SUMF1: variants seen among roughly 807,000 people sequenced by gnomAD.
The protein encoded by SUMF1 is formylglycine-generating enzyme.
A neutral mutation model predicts 47.6 loss-of-function variants in SUMF1; 48 were observed. The ratio of observed to expected loss-of-function variants is 1.01; its 90% CI spans 0.80 to 1.28. The LOEUF (loss-of-function observed/expected upper bound fraction) is 1.28, where lower values mean the gene tolerates loss of function less well. Ranked by LOEUF, SUMF1 falls within the 50% of genes most tolerant of loss-of-function variation. SUMF1 has a pLI of 0.00. For synonymous variants in SUMF1, 230 were observed against 192.1 expected (o/e 1.20, Z -1.63); for missense variants, 571 against 485.4 (o/e 1.18, Z -1.66).
At chr3:4,049,584 T>C (rs1350744614) in intron 9 of SUMF1, among the ~76,000 whole-genome samples, 2 of 152,052 alleles carry the variant, frequency 1.3e-5, no homozygotes, top group Non-Finnish European at 2.9e-5. Flanking sequence ...TGCAGACAGG[T>C]AGGTTCAGGA....
At chr3:4,242,028 G>T (rs1348239749) in intron 8 of SUMF1, among the ~76,000 whole-genome samples, 1 of 152,052 alleles carries the variant, frequency 6.6e-6, no homozygotes, top group Non-Finnish European at 1.5e-5. Context: ...AAGGAAAAGG[G>T]AAGATAGCTG....
At chr3:4,278,752 T>C (rs1275220876) in intron 8 of SUMF1, among the ~76,000 whole-genome samples, 1 of 152,152 alleles carries the variant, frequency 6.6e-6, no homozygotes, top group East Asian at 1.9e-4. Context: ...TACATGGTAT[T>C]CTTTCAAAAT....
At position 4,389,464 on chromosome 3, in the gene SUMF1, G is replaced by C. The variant is rs57644522; in HGVS notation, c.955-13075C>G. 6.2e-4 allele frequency among the ~76,000 whole-genome samples: 95 copies of C among 152,042 alleles called. No individual in the cohort carries two copies. The East Asian group carries it at 0.018, about 29-fold the overall frequency. ...TTTCTTCAGAATTACCCTCATTGGGGTTTGCTTAGCTCCTTGAATCTGTGG... is the reference window on the plus strand; with the variant it reads ...TTTCTTCAGAATTACCCTCATTGGGCTTTGCTTAGCTCCTTGAATCTGTGG... On this transcript the variant is annotated intron_variant, in intron 7 of 8. Transcript: ENST00000272902.
chr3:4,193,740 T>C (rs901316383), intron 8 of SUMF1, among the ~76,000 whole-genome samples: 2 of 152,112 alleles, frequency 1.3e-5, no homozygotes, highest in African/African-American at 4.8e-5. Context: ...TGAGTTAAAC[T>C]TATAGGACTC....
intron 8 of SUMF1, among the ~76,000 whole-genome samples, chr3:4,240,738 T>C (rs1037089694): frequency 6.6e-6 from 1 of 151,952 alleles, no homozygotes; most frequent in Non-Finnish European, 1.5e-5. Flanking sequence ...TTTTTAAATA[T>C]TTTTTACTTT....
chr3:4,312,991 C>G, intron 8 of SUMF1: 2 of 1,614,042 alleles, frequency 1.2e-6, no homozygotes, highest in Non-Finnish European at 8.5e-7. Flanking sequence ...TCCCTGCCTC[C>G]CTGGCACTTG....
At chr3:4,241,428 T>C (rs1285848253) in intron 8 of SUMF1, among the ~76,000 whole-genome samples, 1 of 152,056 alleles carries the variant, frequency 6.6e-6, no homozygotes, top group African/African-American at 2.4e-5. Flanking sequence ...CAAGTTTAAG[T>C]CCCAGCTCAA....
chr3:4,106,975 T>A (rs1465295651), intron 8 of SUMF1, among the ~76,000 whole-genome samples: 2 of 152,090 alleles, frequency 1.3e-5, no homozygotes, highest in Non-Finnish European at 2.9e-5. Flanking sequence ...AAAATTCAGA[T>A]ATTTCTCCAA....
At chr3:4,357,797 G>A (rs559889258), downstream of SUMF1, among the ~76,000 whole-genome samples, 10 of 151,774 alleles carry the variant, frequency 6.6e-5, no homozygotes, top group South Asian at 1.0e-3. Flanking sequence ...TAGTAGAGAC[G>A]GGGTTTCACC....
At chr3:4,171,453 A>G (rs1401678271) in intron 8 of SUMF1, among the ~76,000 whole-genome samples, 1 of 152,204 alleles carries the variant, frequency 6.6e-6, no homozygotes, top group Non-Finnish European at 1.5e-5. Flanking sequence ...AAGAAACCCA[A>G]GGGTCATCTG....
intron 8 of SUMF1, among the ~76,000 whole-genome samples, chr3:4,152,919 C>A (rs902726801): frequency 1.3e-5 from 2 of 151,490 alleles, no homozygotes; most frequent in Non-Finnish European, 2.9e-5. Context: ...AGTCTCTCTC[C>A]CTGGCAGAGA....
intron 1 of SUMF1, among the ~76,000 whole-genome samples, chr3:4,457,663 G>A (rs773772516): frequency 2.0e-5 from 3 of 152,026 alleles, no homozygotes; most frequent in Non-Finnish European, 2.9e-5. Flanking sequence ...TTCAATAAAC[G>A]GTATTAGGAA....
intron 8 of SUMF1, among the ~76,000 whole-genome samples, chr3:4,158,519 A>T (rs1277908429): frequency 6.6e-6 from 1 of 151,444 alleles, no homozygotes; most frequent in African/African-American, 2.5e-5. Flanking sequence ...TTCTGTCTGG[A>T]TCTGTCCAGT....
intron 8 of SUMF1, among the ~76,000 whole-genome samples, chr3:4,309,145 G>A (rs1467384541): frequency 2.6e-5 from 4 of 152,198 alleles, no homozygotes; most frequent in African/African-American, 9.7e-5. Context: ...GGGTTGTGGA[G>A]ACCAGGGGTT....
In SUMF1 at chr3:4,252,321, C is replaced by CA. The variant is rs1696820418; in HGVS notation, c.1014+124008dup. ...GAAAGTAGCAAATAGTTCTGAGGGA[C>CA]ATTTTGGATTCGCTCCAAATACACA... On this transcript the variant is annotated intron_variant and NMD_transcript_variant, in intron 8 of 12. Coordinates refer to the SUMF1 transcript ENST00000448413. Among the ~76,000 whole-genome samples, 12 of 151,400 alleles carry CA rather than the reference C, an allele frequency of 7.9e-5. No individual in the cohort carries two copies. In the South Asian group the frequency reaches 2.5e-3, roughly 31 times the overall value.
downstream of SUMF1, among the ~76,000 whole-genome samples, chr3:4,356,457 C>T (rs1699620132): frequency 6.6e-6 from 1 of 152,008 alleles, no homozygotes; most frequent in Non-Finnish European, 1.5e-5. Flanking sequence ...ACAGGAGTCT[C>T]ATAAGGCATT....
chr3:4,348,488 A>T (rs1357092857), intron 8 of SUMF1, among the ~76,000 whole-genome samples: 1 of 152,328 alleles, frequency 6.6e-6, no homozygotes, highest in East Asian at 1.9e-4. Context: ...CAGAAAACTG[A>T]AAGTGGACCC....
At chr3:4,217,296 T>G (rs947397818) in intron 8 of SUMF1, among the ~76,000 whole-genome samples, 3 of 149,428 alleles carry the variant, frequency 2.0e-5, no homozygotes, top group African/African-American at 7.4e-5. Context: ...TTCTCACTCA[T>G]AAATGGGAGT....
intron 8 of SUMF1, among the ~76,000 whole-genome samples, chr3:4,153,509 C>A (rs1214322632): frequency 7.2e-6 from 1 of 139,302 alleles, no homozygotes; most frequent in Non-Finnish European, 1.6e-5. Context: ...AGCCACAATG[C>A]CCCGCCTTGT....
Sources: allele counts gnomAD v4.1 joint callset (sites outside exome capture counted in the v4.1 genomes callset), GRCh38; gene constraint gnomAD v4.1.1; transcripts MANE v1.5; gene names NCBI Gene and HGNC (gene_info 2026-07-23, HGNC 2026-07-21).